Variants in MED27 observed in about 807,000 individuals in gnomAD.
MED27 encodes mediator complex subunit 27.
Under a neutral mutation model 38.2 loss-of-function variants are expected in MED27, and 30 were observed. The observed-to-expected ratio is 0.79, with a 90% CI of 0.59 to 1.07. The LOEUF is 1.07. MED27 is among the 50% of genes least tolerant of loss of function. MED27 has a pLI of 0.00. For synonymous variants in MED27, 122 were observed against 153.5 expected, an observed-to-expected ratio of 0.79 and a Z score of 1.52; for missense variants, 289 against 397.5, an observed-to-expected ratio of 0.73 and a Z score of 2.32.
intron 2 of MED27, among the ~76,000 whole-genome samples, chr9:132,020,909 T>C (rs1832703387): frequency 6.6e-6 from 1 of 152,214 alleles, no homozygotes; most frequent in Non-Finnish European, 1.5e-5. Context: ...TCTTTTTACT[T>C]GGTCAAAACA....
chr9:131,970,374 C>T (rs1298691162), intron 3 of MED27, among the ~76,000 whole-genome samples: 1 of 152,238 alleles, frequency 6.6e-6, no homozygotes, highest in Admixed American at 6.5e-5. Context: ...CAGACAGGTA[C>T]CCAGTACCTT....
At chr9:131,879,176 T>C (rs570130692) in intron 6 of MED27, among the ~76,000 whole-genome samples, 155 of 152,320 alleles carry the variant, frequency 1.0e-3, no homozygotes, top group African/African-American at 3.3e-3. Context: ...CCTGAGAGAA[T>C]GTGACAAGGG....
chr9:131,975,155 T>C (rs1831576287), intron 3 of MED27, among the ~76,000 whole-genome samples: 1 of 152,250 alleles, frequency 6.6e-6, no homozygotes, highest in Non-Finnish European at 1.5e-5. Flanking sequence ...AATATGTGAT[T>C]TGGAGAATAC....
intron 2 of MED27, among the ~76,000 whole-genome samples, chr9:132,022,045 C>A (rs1832727590): frequency 6.6e-6 from 1 of 152,190 alleles, no homozygotes; most frequent in Non-Finnish European, 1.5e-5. Context: ...TAAGAAGATG[C>A]AGGCCAAAAA....
At chr9:131,960,162 T>A (rs1273029327) in intron 3 of MED27, among the ~76,000 whole-genome samples, 2 of 152,154 alleles carry the variant, frequency 1.3e-5, no homozygotes, top group African/African-American at 4.8e-5. Flanking sequence ...TAAAAACAAT[T>A]ATTTACTTAA....
chr9:131,945,817 A>T (rs981829731), intron 3 of MED27, among the ~76,000 whole-genome samples: 8 of 146,146 alleles, frequency 5.5e-5, no homozygotes, highest in African/African-American at 2.1e-4. Flanking sequence ...AAAAAAAAAA[A>T]GTTAGCCGGG....
intron 3 of MED27, among the ~76,000 whole-genome samples, chr9:131,943,700 T>C (rs1830830382): frequency 6.6e-6 from 1 of 152,198 alleles, no homozygotes; most frequent in African/African-American, 2.4e-5. Flanking sequence ...AATTGAGCAG[T>C]GAGTCACAAT....
chr9:132,060,005 C>CA (rs1451530887), intron 2 of MED27, among the ~76,000 whole-genome samples: 1 of 152,152 alleles, frequency 6.6e-6, no homozygotes. Context: ...AACTAAGACT[C>CA]AGGGGAGGTC....
intron 4 of MED27, among the ~76,000 whole-genome samples, chr9:131,918,597 CTT>C (rs1830334339): frequency 6.6e-6 from 1 of 152,044 alleles, no homozygotes; most frequent in East Asian, 1.9e-4. Flanking sequence ...TTCTGCATGA[CTT>C]AGCTGTCAGA....
intron 4 of MED27, among the ~76,000 whole-genome samples, chr9:131,895,412 G>A (rs554617287): frequency 9.2e-5 from 14 of 152,234 alleles, no homozygotes; most frequent in Admixed American, 2.6e-4. Flanking sequence ...CCGACCTGCC[G>A]TCAGTTTCTG....
chr9:131,941,601 C>T (rs764291433), intron 3 of MED27, among the ~76,000 whole-genome samples: 1 of 151,900 alleles, frequency 6.6e-6, no homozygotes, highest in African/African-American at 2.4e-5. Flanking sequence ...AGTGAGAAGG[C>T]GTGGAGGTGC....
At chr9:131,957,172 T>C (rs1430613028) in intron 3 of MED27, among the ~76,000 whole-genome samples, 2 of 152,196 alleles carry the variant, frequency 1.3e-5, no homozygotes, top group Non-Finnish European at 1.5e-5. Context: ...GATTCAAGAA[T>C]TCCACTCCTA....
At position 132,003,316 on chromosome 9, in the gene MED27, G is replaced by A. The variant is rs1178432312; in HGVS notation, c.479+11021C>T. On this transcript the variant is annotated intron_variant, in intron 3 of 7. Transcript: ENST00000292035. The surrounding 1 kb of genome is among the most constrained non-coding windows in gnomAD (Gnocchi z 4.2). ...TGCCACATTCAACTTAGTGCTTAAT[G>A]GCCAGGTTCTTTATTACAGTTTTCT... Among the ~76,000 whole-genome samples the A allele has an allele frequency of 1.3e-5, 2 of 152,230 alleles. No homozygotes were observed. The highest frequency in any genetic ancestry group is 2.9e-5 in the Non-Finnish European group (2 of 68,050).
At chr9:131,991,843 T>G (rs1304153456) in intron 3 of MED27, among the ~76,000 whole-genome samples, 3 of 152,170 alleles carry the variant, frequency 2.0e-5, no homozygotes, top group Non-Finnish European at 1.5e-5. Flanking sequence ...TGCCTCAGCC[T>G]CCCGAGTAGC....
intron 2 of MED27, among the ~76,000 whole-genome samples, chr9:132,068,688 G>A (rs1040188800): frequency 1.3e-5 from 2 of 152,018 alleles, no homozygotes; most frequent in Admixed American, 6.5e-5. Flanking sequence ...ATCCCACCAC[G>A]AGAAGCAGGT....
intron 2 of MED27, among the ~76,000 whole-genome samples, chr9:132,053,184 C>T (rs538330739): frequency 1.2e-4 from 18 of 150,716 alleles, no homozygotes; most frequent in South Asian, 8.4e-4. Flanking sequence ...ACCCAGGAGG[C>T]GGAGCTTGCA....
chr9:131,943,318 G>A (rs1230035661), intron 3 of MED27, among the ~76,000 whole-genome samples: 1 of 152,138 alleles, frequency 6.6e-6, no homozygotes, highest in Non-Finnish European at 1.5e-5. Context: ...CAGAAATAAG[G>A]AAAGCTTGGA....
intron 4 of MED27, among the ~76,000 whole-genome samples, chr9:131,912,328 C>A (rs537898783): frequency 6.6e-6 from 1 of 152,334 alleles, no homozygotes; most frequent in South Asian, 2.1e-4. Flanking sequence ...CCTAAACTTA[C>A]TGCACACATG....
intron 4 of MED27, among the ~76,000 whole-genome samples, chr9:131,910,971 CATT>C (rs960156223): frequency 1.3e-5 from 2 of 152,082 alleles, no homozygotes; most frequent in African/African-American, 4.8e-5. Flanking sequence ...TTCATATACT[CATT>C]ATTTTTTAAT....
Sources: allele counts gnomAD v4.1 joint callset (sites outside exome capture counted in the v4.1 genomes callset), GRCh38; gene constraint gnomAD v4.1.1; non-coding constraint Gnocchi (gnomAD v3.1); transcripts MANE v1.5; gene names NCBI Gene and HGNC (gene_info 2026-07-23, HGNC 2026-07-21).